The following LRRC4C variants were observed in gnomAD, a reference collection of about 807,000 sequenced individuals.
LRRC4C encodes the protein leucine rich repeat containing 4C.
Under a neutral mutation model 33.6 loss-of-function variants are expected in LRRC4C, and 5 were observed. That is an observed-to-expected ratio of 0.15 (90% confidence interval 0.08 to 0.31). The LOEUF is 0.31. Ranked by LOEUF, LRRC4C falls within the 10% of genes least tolerant of loss-of-function variation. The pLI is 1.00. For missense variants in LRRC4C, 560 were observed against 796.7 expected (o/e 0.70, Z 3.58); for synonymous variants, 329 against 302.0 (o/e 1.09, Z -0.93).
At chr11:40,257,667 G>C (rs956729757) in intron 4 of LRRC4C, among the ~76,000 whole-genome samples, 1 of 152,142 alleles carries the variant, frequency 6.6e-6, no homozygotes, top group African/African-American at 2.4e-5. Flanking sequence ...AGAGTTCTGA[G>C]AAAGTTTTCC....
chr11:40,837,517 A>T (rs376811441), intron 2 of LRRC4C, among the ~76,000 whole-genome samples: 2 of 151,956 alleles, frequency 1.3e-5, no homozygotes, highest in Non-Finnish European at 2.9e-5. Context: ...TATTGTGAAG[A>T]TTATTAAAAC....
intron 1 of LRRC4C, among the ~76,000 whole-genome samples, chr11:41,389,639 C>A (rs371313587): frequency 9.8e-4 from 79 of 80,938 alleles, no homozygotes; most frequent in South Asian, 2.5e-3. Flanking sequence ...CAGTGAGCAG[C>A]AAAAAAAAAA....
chr11:41,319,525 G>C (rs540182272), intron 1 of LRRC4C, among the ~76,000 whole-genome samples: 1 of 152,076 alleles, frequency 6.6e-6, no homozygotes, highest in African/African-American at 2.4e-5. Flanking sequence ...GCCAACTAAG[G>C]TTTTGTTTGT....
intron 5 of LRRC4C, among the ~76,000 whole-genome samples, chr11:40,201,184 A>G (rs1214441004): frequency 6.6e-6 from 1 of 152,194 alleles, no homozygotes; most frequent in Non-Finnish European, 1.5e-5. Flanking sequence ...TGAACTTGCC[A>G]GGCTCAGCCT....
intron 1 of LRRC4C, among the ~76,000 whole-genome samples, chr11:41,146,530 A>G (rs1419059092): frequency 6.6e-6 from 1 of 152,180 alleles, no homozygotes; most frequent in Non-Finnish European, 1.5e-5. Context: ...AGAAAAGCAA[A>G]AGTAGGATGC....
In LRRC4C at chr11:40,789,496, TTC is replaced by T. The variant is rs892856190; in HGVS notation, c.-406-141220_-406-141219del. ...TAATAACTTCTTAAACATATCTTTC[TTC>T]TCTCTCTCTCTCTGTTTTAATTGAC... On this transcript the variant is annotated intron_variant, in intron 2 of 6. Coordinates refer to ENST00000528697, the MANE Select transcript of LRRC4C (RefSeq NM_001258419.2). 8.6e-5 allele frequency among the ~76,000 whole-genome samples: 13 copies of T among 150,722 alleles called. 1 individual carries two copies. The highest frequency in any genetic ancestry group is 1.2e-4 in the African/African-American group (5 of 41,222).
chr11:40,290,308 GT>G (rs1455211606), intron 4 of LRRC4C, among the ~76,000 whole-genome samples: 1 of 152,142 alleles, frequency 6.6e-6, no homozygotes, highest in Non-Finnish European at 1.5e-5. Flanking sequence ...TGCAAAAAAA[GT>G]GCAGAGAACT....
At chr11:41,198,812 C>CAT (rs953244765) in intron 1 of LRRC4C, among the ~76,000 whole-genome samples, 52 of 152,088 alleles carry the variant, frequency 3.4e-4, no homozygotes, top group African/African-American at 1.2e-3. Context: ...ATTTCAATCT[C>CAT]ACATAAGTAT....
At chr11:40,542,736 C>T (rs1328754174) in intron 3 of LRRC4C, among the ~76,000 whole-genome samples, 1 of 152,012 alleles carries the variant, frequency 6.6e-6, no homozygotes, top group Non-Finnish European at 1.5e-5. Context: ...TGGCCCAGAC[C>T]CACATTCTAA....
intron 3 of LRRC4C, among the ~76,000 whole-genome samples, chr11:40,582,185 G>A (rs374778230): frequency 6.6e-6 from 1 of 152,008 alleles, no homozygotes; most frequent in African/African-American, 2.4e-5. Context: ...ATACTGACAA[G>A]GAATATATAA....
At chr11:41,454,430 A>C (rs1956118050) in intron 1 of LRRC4C, among the ~76,000 whole-genome samples, 1 of 152,086 alleles carries the variant, frequency 6.6e-6, no homozygotes, top group Admixed American at 6.6e-5. Flanking sequence ...TGAGCAGAGA[A>C]TCCTTCTAAT....
intron 3 of LRRC4C, among the ~76,000 whole-genome samples, chr11:40,561,693 T>G (rs1957555730): frequency 1.3e-5 from 2 of 152,046 alleles, no homozygotes; most frequent in African/African-American, 2.4e-5. Flanking sequence ...ATTACAGGCA[T>G]GAGCCACCGC....
intron 2 of LRRC4C, among the ~76,000 whole-genome samples, chr11:40,811,438 T>C (rs1023659644): frequency 1.3e-5 from 2 of 152,172 alleles, no homozygotes; most frequent in African/African-American, 4.8e-5. Context: ...CCTAAGAGCC[T>C]GGTACAGTGC....
At chr11:41,390,984 A>T (rs77317810) in intron 1 of LRRC4C, among the ~76,000 whole-genome samples, 2 of 72,578 alleles carry the variant, frequency 2.8e-5, no homozygotes, top group East Asian at 1.7e-3. Context: ...TGCTTTAATT[A>T]AAAAAAAAAA....
intron 5 of LRRC4C, among the ~76,000 whole-genome samples, chr11:40,164,367 G>A (rs1032413648): frequency 2.0e-5 from 3 of 152,110 alleles, no homozygotes; most frequent in African/African-American, 7.2e-5. Flanking sequence ...CAGCTTCCAA[G>A]AATAGCTGGG....
chr11:40,611,942 A>G (rs1421457461), intron 3 of LRRC4C, among the ~76,000 whole-genome samples: 1 of 151,092 alleles, frequency 6.6e-6, no homozygotes, highest in Non-Finnish European at 1.5e-5. Context: ...GAATGTAAAA[A>G]TAGTGCAGCC....
At position 41,441,553 on chromosome 11, in the gene LRRC4C, A is replaced by G. The variant is rs1955619957; in HGVS notation, c.-496+17878T>C. Among the ~76,000 whole-genome samples the G allele has an allele frequency of 2.0e-5, 3 of 149,848 alleles. No homozygotes were observed. The South Asian group carries it at 6.3e-4, about 32-fold the overall frequency. On this transcript the variant is annotated intron_variant, in intron 1 of 6. Transcript: ENST00000528697. ...ATTTTAAGTAGAGATACCCAAATTG[A>G]CTCAATCTTCATTCAGAGACTTAAG...
At chr11:41,385,768 C>G (rs939011860) in intron 1 of LRRC4C, among the ~76,000 whole-genome samples, 32 of 151,278 alleles carry the variant, frequency 2.1e-4, no homozygotes, top group Admixed American at 1.1e-3. Context: ...TAATCAAATT[C>G]AAAAGAAACG....
At chr11:41,082,105 T>A (rs1044017886) in intron 1 of LRRC4C, among the ~76,000 whole-genome samples, 3 of 152,164 alleles carry the variant, frequency 2.0e-5, no homozygotes, top group African/African-American at 7.2e-5. Context: ...TTGAGCTTGA[T>A]TAGGCTCTGA....
Sources: gnomAD v4.1 joint callset for allele counts (sites outside exome capture counted in the v4.1 genomes callset) on GRCh38, gnomAD v4.1.1 for gene constraint, MANE v1.5 for transcripts, NCBI Gene and HGNC (gene_info 2026-07-23, HGNC 2026-07-21) for gene names.